Variants in SCARF2 observed in about 807,000 individuals in gnomAD.
SCARF2 encodes scavenger receptor class F member 2.
SCARF2 carries 39 observed loss-of-function variants against 73.4 expected under a neutral mutation model. The observed-to-expected ratio is 0.53, with a 90% CI of 0.41 to 0.69. The LOEUF (loss-of-function observed/expected upper bound fraction) is 0.69. Ranked by LOEUF, SCARF2 falls within the 30% of genes least tolerant of loss-of-function variation. The pLI is 0.00. For synonymous variants in SCARF2, 605 were observed against 590.0 expected (o/e 1.03, Z -0.37); for missense variants, 1,148 against 1,303.5 (o/e 0.88, Z 1.84).
At chr22:20,430,329 G>A (rs1469791493) in intron 6 of SCARF2, 100 bp downstream of exon 6, 2 of 1,399,816 alleles carry the variant, frequency 1.4e-6, no homozygotes, top group Non-Finnish European at 1.9e-6. Flanking sequence ...CAAGGCTGAG[G>A]TGATAACCCA....
At chr22:20,437,483 G>A in intron 1 of SCARF2, 99 bp downstream of exon 1, 4 of 1,302,748 alleles carry the variant, frequency 3.1e-6, no homozygotes, top group Non-Finnish European at 3.1e-6. Context: ...CACACTTGGC[G>A]TAGGAAGGTT....
In SCARF2 at chr22:20,431,913, C is replaced by G. The variant is rs536244192; in HGVS notation, c.232+17G>C. 9.3e-6 allele frequency: 15 copies of G among 1,607,456 alleles called. No homozygotes were observed. In the South Asian group the frequency reaches 1.3e-4, roughly 14 times the overall value. On this transcript the variant is annotated intron_variant, in intron 2 of 10. Transcript: ENST00000622235. ...CGCCCCCTCCCCCGCCCCAGGTCCC[C>G]GGGATGACCCACTCACCAATCCCAC...
chr22:20,429,360 G>C lies in SCARF2; in HGVS notation c.1425-20C>G, dbSNP rs1266405249. On this transcript the variant is annotated intron_variant, in intron 8 of 10. Coordinates refer to ENST00000622235, the MANE Select transcript of SCARF2 (RefSeq NM_182895.5). The surrounding 1 kb of genome is among the most constrained non-coding windows in gnomAD (Gnocchi z 5.2). ...AGCTCCCTGCGGGGGCGGGGTCTGAGCGGAGGGGCGGGGCCGGGGCGGGGC... is the reference window on the plus strand; with the variant it reads ...AGCTCCCTGCGGGGGCGGGGTCTGACCGGAGGGGCGGGGCCGGGGCGGGGC... The C allele has an allele frequency of 6.3e-7, 1 of 1,594,642 alleles. No individual in the cohort carries two copies. The highest frequency in any genetic ancestry group is 1.7e-5 in the Admixed American group (1 of 58,148).
chr22:20,432,052 T>TCCTCCGCAG (rs2052656140), intron 1 of SCARF2, 64 bp from the exon 2 acceptor site: 6 of 1,510,292 alleles, frequency 4.0e-6, no homozygotes, highest in Non-Finnish European at 5.4e-6. Context: ...TGCTCCGGGC[T>TCCTCCGCAG]CCTCCGCAGC....
In SCARF2 at chr22:20,430,478, C is replaced by T. The variant is rs375601836; in HGVS notation, c.1153G>A (p.Asp385Asn). 8.1e-6 allele frequency: 13 copies of T among 1,596,138 alleles called. No individual in the cohort carries two copies. The highest frequency in any genetic ancestry group is 1.1e-5 in the Non-Finnish European group (13 of 1,172,466). Reference protein sequence around the residue: ...VCADCGSGHCDFQSGRCLCSP... With the variant: ...VCADCGSGHCNFQSGRCLCSP... ...CACAGGCAGCGCCCCGACTGGAAGT[C>T]GCAGTGTCCGCTGCCGCAGTCGGCG... The change falls in exon 6 of 11, where the codon GAC (aspartate) becomes AAC (asparagine). Residue 385 changes from aspartate (D) to asparagine (N), a missense_variant. Transcript: ENST00000622235.
At position 20,424,919 on chromosome 22, in the gene SCARF2, T is replaced by C. The variant is rs573697848; in HGVS notation, c.*456A>G. 2 of 155,652 alleles carry C rather than the reference T, an allele frequency of 1.3e-5. No homozygotes were observed. The highest frequency in any genetic ancestry group is 6.5e-5 in the Admixed American group (1 of 15,376). 9.6% of individuals were successfully genotyped at this position (155,652 alleles called of 1,614,324 possible). A position where few individuals can be genotyped will look rare whatever the true frequency, so the allele number is the denominator to read the frequency against. ...CCAGTGGAAGTAGCCCCGGGCTCTATTGGGACGGCCAAGGGAGGGAGCCTC... is the reference window on the plus strand; with the variant it reads ...CCAGTGGAAGTAGCCCCGGGCTCTACTGGGACGGCCAAGGGAGGGAGCCTC... On this transcript the variant is annotated 3_prime_UTR_variant, in exon 11 of 11. Transcript: ENST00000622235.
At position 20,426,111 on chromosome 22, in the gene SCARF2, A is replaced by G. The variant is rs1385309676; in HGVS notation, c.1865T>C (p.Leu622Pro). 2.0e-6 allele frequency: 3 copies of G among 1,484,186 alleles called. No homozygotes were observed. Among genetic ancestry groups the G allele is most frequent in the South Asian group, 2.6e-5 (2 of 75,592 alleles). 91.9% of individuals were successfully genotyped at this position (1,484,186 alleles called of 1,614,324 possible). ...CTCGCGTCGGGCCACGCGCGCGTAC[A>G]GAGCCCCTCCGGGCCCCTCCACGCT... is the stretch of plus-strand genomic sequence containing the variant. ...ASSVEGPGGALYARVARREAR... is the reference protein window; with the variant it reads ...ASSVEGPGGAPYARVARREAR... Residue 622 changes from leucine (L) to proline (P), a missense_variant, in exon 11 of 11, where the codon CTG becomes CCG. By Grantham distance (98) the Leu-to-Pro change is moderately conservative. Around this residue, in one of 5 missense-constraint regions of SCARF2, gnomAD observed 437 missense variants for 433.6 expected, o/e 1.01. Transcript: ENST00000622235.
Position 20,431,826 on chromosome 22 carries a change from T to C in SCARF2, c.253A>G (p.Thr85Ala). ...CGIAVCEGNS[T>A]CSENEVCVRP... Reference sequence around the variant, plus strand: ...ACGCACACCTCGTTCTCTGAGCACGTGGAGTTGCCTTCGCACACCGCTGTG... The same window carrying C: ...ACGCACACCTCGTTCTCTGAGCACGCGGAGTTGCCTTCGCACACCGCTGTG... The change falls in exon 3 of 11, where the codon ACG (threonine) becomes GCG (alanine). Residue 85 changes from threonine (T) to alanine (A), a missense_variant. Physicochemically the swap from Thr to Ala is moderately conservative, Grantham distance 58 (BLOSUM62 0). Coordinates refer to ENST00000622235, the MANE Select transcript of SCARF2 (RefSeq NM_182895.5). The C allele has an allele frequency of 6.3e-7, 1 of 1,599,238 alleles. No individual in the cohort carries two copies. Among genetic ancestry groups the C allele is most frequent in the South Asian group, 1.1e-5 (1 of 88,484 alleles).
intron 9 of SCARF2, among the ~76,000 whole-genome samples, chr22:20,428,267 C>T (rs908111331): frequency 2.5e-4 from 31 of 121,758 alleles, no homozygotes; most frequent in African/African-American, 9.2e-4. Context: ...CTCTTCTCTT[C>T]TCTTCTCCTC....
rs1418677391 is a variant in SCARF2, at chr22:20,425,668, A to G, written c.2308T>C (p.Leu770=). ...GTCTTGCCGCGCAGCTCAGCGGCCAACATGGAGGCAGCCTCGGGCGCGCTT... is the reference window on the plus strand; with the variant it reads ...GTCTTGCCGCGCAGCTCAGCGGCCAGCATGGAGGCAGCCTCGGGCGCGCTT... ...PRSAPEAASM[L]AAELRGKTRS... Residue 770 remains leucine, a synonymous_variant, in exon 11 of 11, where the codon TTG becomes CTG. Coordinates refer to ENST00000622235, the MANE Select transcript of SCARF2 (RefSeq NM_182895.5). This position sits in a 1 kb window ranked among gnomAD's most constrained non-coding sequence, Gnocchi z 4.6. 8 of 1,250,732 alleles carry G rather than the reference A, an allele frequency of 6.4e-6. No individual in the cohort carries two copies. The highest frequency in any genetic ancestry group is 3.1e-5 in the African/African-American group (2 of 64,090). 77.5% of individuals were successfully genotyped at this position (1,250,732 alleles called of 1,614,324 possible). A position where few individuals can be genotyped will look rare whatever the true frequency, so the allele number is the denominator to read the frequency against.
Position 20,425,546 on chromosome 22 carries a change from G to A in SCARF2, c.2430C>T (p.Ala810=). Residue 810 remains alanine, a synonymous_variant, in exon 11 of 11, where the codon GCC becomes GCT. Transcript: ENST00000622235. This position sits in a 1 kb window ranked among gnomAD's most constrained non-coding sequence, Gnocchi z 4.6. ...PQKAKRSVPP[A]SPARAPPATE... is the part of the protein sequence containing the mutation. Reference sequence around the variant, plus strand: ...TCGCTGGGGGCGCGCGGGCGGGCGAGGCTGGCGGCACGGAGCGCTTGGCTT... The same window carrying A: ...TCGCTGGGGGCGCGCGGGCGGGCGAAGCTGGCGGCACGGAGCGCTTGGCTT... 7.4e-7 allele frequency: 1 copy of A among 1,342,558 alleles called. No homozygotes were observed. The highest frequency in any genetic ancestry group is 9.5e-7 in the Non-Finnish European group (1 of 1,050,656). 83.2% of individuals were successfully genotyped at this position (1,342,558 alleles called of 1,614,324 possible).
Position 20,426,069 on chromosome 22 carries a change from G to A in SCARF2, c.1907C>T (p.Ala636Val), listed in dbSNP as rs984158225. 5.6e-5 allele frequency: 86 copies of A among 1,545,386 alleles called. 2 individuals carry two copies. In the African/African-American group the frequency reaches 6.0e-4, roughly 11 times the overall value. ...CGACAGGCCCCCAATCTCGCCCCGG[G>A]CCCGGGCCGGCCGGGCCTCGCGTCG... ...VARREARPARARGEIGGLSLS... is the reference protein window; with the variant it reads ...VARREARPARVRGEIGGLSLS... The change falls in exon 11 of 11, where the codon GCC becomes GTC. Residue 636 changes from alanine to valine, a missense_variant. Physicochemically the swap from Ala to Val is moderately conservative, Grantham distance 64. Around this residue, in one of 5 missense-constraint regions of SCARF2, gnomAD observed 437 missense variants for 433.6 expected, o/e 1.01. Transcript: ENST00000622235.
Position 20,431,242 on chromosome 22 carries a change from G to C in SCARF2, c.630C>G (p.Ser210Arg). Reference protein sequence around the residue: ...CLCHAGWWGRSCNNQCACNSS... With the variant: ...CLCHAGWWGRRCNNQCACNSS... ...AGTTGCAGGCGCACTGGTTGTTGCA[G>C]CTGCGGCCCCACCAGCCTGCGTGGC... The change falls in exon 4 of 11, where the codon AGC (serine) becomes AGG (arginine). Residue 210 changes from serine (S) to arginine (R), a missense_variant. This residue lies in a region of SCARF2 where 372 missense variants were observed against 532.0 expected (regional missense o/e 0.70). Coordinates refer to ENST00000622235, the MANE Select transcript of SCARF2 (RefSeq NM_182895.5). 2 of 1,553,908 alleles carry C rather than the reference G, an allele frequency of 1.3e-6. No individual in the cohort carries two copies. The highest frequency in any genetic ancestry group is 1.7e-6 in the Non-Finnish European group (2 of 1,158,128).
rs904095409 is a variant in SCARF2 at position 20,429,902 on chromosome 22, C to A, written c.1203-69G>T. On this transcript the variant is annotated intron_variant, in intron 6 of 10. Coordinates refer to ENST00000622235, the MANE Select transcript of SCARF2 (RefSeq NM_182895.5). This position sits in a 1 kb window ranked among gnomAD's most constrained non-coding sequence, Gnocchi z 5.2. ...GGATGCCCCCTACCCTCACCCCTCA[C>A]CCGCGGCCAGGGCCCAGGGTCCAGG... is the stretch of plus-strand genomic sequence containing the variant. The A allele has an allele frequency of 4.0e-6, 6 of 1,502,084 alleles. No individual in the cohort carries two copies. Among genetic ancestry groups the A allele is most frequent in the Non-Finnish European group, 5.4e-6 (6 of 1,105,034 alleles). The allele number at this position is 1,502,084 out of a possible 1,614,324, so 93.0% of individuals were successfully genotyped here. A position where few individuals can be genotyped will look rare whatever the true frequency, so the allele number is the denominator to read the frequency against.
chr22:20,434,931 G>A (rs1331004215), intron 1 of SCARF2, among the ~76,000 whole-genome samples: 1 of 152,112 alleles, frequency 6.6e-6, no homozygotes, highest in African/African-American at 2.4e-5. Context: ...CTCTCCTCTG[G>A]TTTCTGTCCC....
Position 20,425,974 on chromosome 22 carries a change from T to A in SCARF2, c.2002A>T (p.Ile668Phe), listed in dbSNP as rs2052572610. The A allele has an allele frequency of 1.3e-6, 2 of 1,594,012 alleles. No homozygotes were observed. The highest frequency in any genetic ancestry group is 4.6e-5 in the East Asian group (2 of 43,630). The change falls in exon 11 of 11, where the codon ATC becomes TTC. Residue 668 changes from isoleucine (I) to phenylalanine (F), a missense_variant. Physicochemically the swap from Ile to Phe is conservative, Grantham distance 21 (BLOSUM62 0). Around this residue, in one of 5 missense-constraint regions of SCARF2, gnomAD observed 437 missense variants for 433.6 expected, o/e 1.01. Transcript: ENST00000622235. The surrounding 1 kb of genome is among the most constrained non-coding windows in gnomAD (Gnocchi z 4.6). ...DPATKPKVSW[I>F]HGKHSAAAAG... is the part of the protein sequence containing the mutation. ...GCAGCGGCGCTGTGCTTGCCGTGGA[T>A]CCAGGACACCTTAGGCTTGGTGGCG... is the stretch of plus-strand genomic sequence containing the variant.
At chr22:20,435,746 A>T (rs2052692992) in intron 1 of SCARF2, among the ~76,000 whole-genome samples, 1 of 152,068 alleles carries the variant, frequency 6.6e-6, no homozygotes, top group Non-Finnish European at 1.5e-5. Context: ...TCCCCAACCC[A>T]ACACCTCCCA....
rs1175928467 is a variant in SCARF2 at position 20,429,887 on chromosome 22, T to G, written c.1203-54A>C. ...ACAGCCGCCCCCCTAGGATGCCCCC[T>G]ACCCTCACCCCTCACCCGCGGCCAG... On this transcript the variant is annotated intron_variant, in intron 6 of 10. Transcript: ENST00000622235. The surrounding 1 kb of genome is among the most constrained non-coding windows in gnomAD (Gnocchi z 5.2). The G allele has an allele frequency of 6.4e-7, 1 of 1,556,092 alleles. No individual in the cohort carries two copies. Among genetic ancestry groups the G allele is most frequent in the East Asian group, 2.3e-5 (1 of 43,010 alleles).
At chr22:20,432,105 AG>A (rs932741252) in intron 1 of SCARF2, 117 bp from the exon 2 acceptor site, 19 of 1,068,246 alleles carry the variant, frequency 1.8e-5, no homozygotes, top group Middle Eastern at 2.8e-4. Context: ...CTCCTGTCCT[AG>A]GGGGGTGGTT....
Sources: gnomAD v4.1 joint callset for allele counts (sites outside exome capture counted in the v4.1 genomes callset) on GRCh38, gnomAD v4.1.1 for gene constraint, gnomAD v4.1.1 regional missense constraint, Gnocchi (gnomAD v3.1) non-coding constraint, MANE v1.5 for transcripts, NCBI Gene and HGNC (gene_info 2026-07-23, HGNC 2026-07-21) for gene names.